CADM2: variants seen among roughly 807,000 people sequenced by gnomAD.
CADM2 encodes cell adhesion molecule 2, also known as immunoglobulin superfamily member 4D.
A neutral mutation model predicts 49.8 loss-of-function variants in CADM2; 12 were observed. The ratio of observed to expected loss-of-function variants is 0.24; its 90% CI spans 0.15 to 0.39. The LOEUF (loss-of-function observed/expected upper bound fraction) is 0.39. CADM2 is among the 10% of genes least tolerant of loss of function. The pLI is 1.00. For missense variants in CADM2, 378 were observed against 492.3 expected (o/e 0.77, Z 2.20); for synonymous variants, 214 against 175.4 (o/e 1.22, Z -1.74).
At chr3:85,839,988 A>G (rs79559180) in intron 3 of CADM2, among the ~76,000 whole-genome samples, 8,573 of 151,918 alleles carry the variant, frequency 0.056, 398 homozygotes, top group East Asian at 0.19. Context: ...TAAAGATTCT[A>G]CTCAGAATTG....
At chr3:85,554,480 A>G (rs1162887647) in intron 1 of CADM2, among the ~76,000 whole-genome samples, 1 of 152,152 alleles carries the variant, frequency 6.6e-6, no homozygotes, top group Non-Finnish European at 1.5e-5. Context: ...GATGAAAGAG[A>G]CCAAGAATCA....
At chr3:85,001,141 T>C (rs1266071331) in intron 1 of CADM2, among the ~76,000 whole-genome samples, 1 of 152,090 alleles carries the variant, frequency 6.6e-6, no homozygotes. Context: ...CGATGATCTG[T>C]TGAGATTTCT....
intron 1 of CADM2, among the ~76,000 whole-genome samples, chr3:85,473,378 T>A (rs1006898081): frequency 4.6e-5 from 7 of 152,188 alleles, no homozygotes; most frequent in African/African-American, 1.7e-4. Flanking sequence ...GTTTTGCTTG[T>A]AGATGAGCTT....
At chr3:85,078,084 T>C (rs2037017024) in intron 1 of CADM2, among the ~76,000 whole-genome samples, 1 of 152,082 alleles carries the variant, frequency 6.6e-6, no homozygotes, top group African/African-American at 2.4e-5. Flanking sequence ...TATGGAAATA[T>C]GGCTCAAAAT....
At chr3:85,637,465 G>T (rs991128368) in intron 1 of CADM2, among the ~76,000 whole-genome samples, 6 of 148,426 alleles carry the variant, frequency 4.0e-5, no homozygotes, top group African/African-American at 1.5e-4. Flanking sequence ...AGCTGGGCGC[G>T]GTGGCGGGCG....
intron 1 of CADM2, among the ~76,000 whole-genome samples, chr3:85,406,960 C>T (rs1053850413): frequency 3.3e-5 from 5 of 152,036 alleles, no homozygotes; most frequent in Non-Finnish European, 5.9e-5. Context: ...CTTTGGAAGG[C>T]GGAGGTGGGA....
At chr3:85,809,955 T>C (rs1174840365) in intron 3 of CADM2, among the ~76,000 whole-genome samples, 1 of 151,820 alleles carries the variant, frequency 6.6e-6, no homozygotes, top group Non-Finnish European at 1.5e-5. Context: ...AGTGCATGCA[T>C]ATTGAATCGT....
rs544895306 is a variant in CADM2, at chr3:85,593,903, G to A, written c.62-132619G>A. On this transcript the variant is annotated intron_variant, in intron 1 of 9. Coordinates refer to ENST00000383699, the MANE Select transcript of CADM2 (RefSeq NM_001167675.2). ...GAGGCACAACTGCAGAAACACAATC[G>A]AGATTTATTTCTGTTAATCATTAGA... 7.2e-5 allele frequency among the ~76,000 whole-genome samples: 11 copies of A among 151,752 alleles called. No individual in the cohort carries two copies. The East Asian group carries it at 7.8e-4, about 11-fold the overall frequency.
intron 1 of CADM2, among the ~76,000 whole-genome samples, chr3:85,394,049 C>T (rs2034650249): frequency 6.6e-6 from 1 of 152,146 alleles, no homozygotes; most frequent in Non-Finnish European, 1.5e-5. Context: ...CCCGCCTCGG[C>T]CTCCCAAAGT....
intron 1 of CADM2, among the ~76,000 whole-genome samples, chr3:85,110,100 C>T (rs2038394719): frequency 2.0e-5 from 3 of 151,894 alleles, no homozygotes; most frequent in Admixed American, 2.0e-4. Context: ...GCAGCAATTT[C>T]ATCCGAAGCA....
chr3:85,882,488 G>A (rs1039906134), intron 3 of CADM2, among the ~76,000 whole-genome samples: 1 of 152,058 alleles, frequency 6.6e-6, no homozygotes, highest in Non-Finnish European at 1.5e-5. Context: ...TCGGGTGCTG[G>A]TGTCTTTAAC....
chr3:85,885,153 A>G (rs1453871785), intron 4 of CADM2, among the ~76,000 whole-genome samples: 1 of 152,134 alleles, frequency 6.6e-6, no homozygotes, highest in Admixed American at 6.5e-5. Context: ...CTTTAATGCA[A>G]TCTACCTTTT....
intron 1 of CADM2, among the ~76,000 whole-genome samples, chr3:85,642,386 A>G (rs1421815565): frequency 2.6e-5 from 4 of 152,204 alleles, no homozygotes; most frequent in Non-Finnish European, 5.9e-5. Flanking sequence ...ACTAAAAAGT[A>G]TTTTATGGAG....
intron 1 of CADM2, among the ~76,000 whole-genome samples, chr3:85,230,478 A>G (rs559362348): frequency 6.6e-6 from 1 of 152,128 alleles, no homozygotes; most frequent in Non-Finnish European, 1.5e-5. Flanking sequence ...TAGATTAGTG[A>G]TTTTACTTAG....
At chr3:85,106,289 G>A (rs2107556934) in intron 1 of CADM2, among the ~76,000 whole-genome samples, 1 of 152,130 alleles carries the variant, frequency 6.6e-6, no homozygotes, top group African/African-American at 2.4e-5. Flanking sequence ...ATGAAAGTAA[G>A]GAAGATGGAG....
At chr3:85,492,554 C>T (rs1221823749) in intron 1 of CADM2, among the ~76,000 whole-genome samples, 2 of 151,902 alleles carry the variant, frequency 1.3e-5, no homozygotes, top group African/African-American at 4.8e-5. Context: ...ATCCACTGCA[C>T]TCCAGCCTGG....
intron 1 of CADM2, among the ~76,000 whole-genome samples, chr3:85,624,031 A>G (rs573295377): frequency 6.6e-6 from 1 of 152,248 alleles, no homozygotes; most frequent in South Asian, 2.1e-4. Context: ...TTAAGGCCAA[A>G]TACTTTAAAA....
chr3:85,286,685 C>T (rs2043641261), intron 1 of CADM2, among the ~76,000 whole-genome samples: 1 of 152,096 alleles, frequency 6.6e-6, no homozygotes, highest in African/African-American at 2.4e-5. Flanking sequence ...AAAGAACACA[C>T]ATTAAGTATA....
At chr3:85,031,471 C>A (rs181592119) in intron 1 of CADM2, among the ~76,000 whole-genome samples, 1 of 152,020 alleles carries the variant, frequency 6.6e-6, no homozygotes, top group Non-Finnish European at 1.5e-5. Context: ...TCCCCTTACC[C>A]GAAGTGATTT....
Sources: gnomAD v4.1 joint callset for allele counts (sites outside exome capture counted in the v4.1 genomes callset) on GRCh38, gnomAD v4.1.1 for gene constraint, MANE v1.5 for transcripts, NCBI Gene and HGNC (gene_info 2026-07-23, HGNC 2026-07-21) for gene names.